Variants in CNTN5 observed in about 807,000 individuals in gnomAD.
CNTN5 encodes the protein contactin 5.
A neutral mutation model predicts 129.1 loss-of-function variants in CNTN5; 77 were observed. The observed-to-expected ratio is 0.60, with a 90% confidence interval of 0.50 to 0.72. The LOEUF (loss-of-function observed/expected upper bound fraction) is 0.72. Ranked by LOEUF, CNTN5 falls within the 30% of genes least tolerant of loss-of-function variation. The pLI is 0.00. For synonymous variants in CNTN5, 509 were observed against 465.6 expected, an observed-to-expected ratio of 1.09 and a Z score of -1.20; for missense variants, 1,478 against 1,328.8, an observed-to-expected ratio of 1.11 and a Z score of -1.75.
At chr11:100,257,382 G>A (rs139103757) in intron 17 of CNTN5, among the ~76,000 whole-genome samples, 2,675 of 152,238 alleles carry the variant, frequency 0.018, 31 homozygotes, top group Middle Eastern at 0.075. Flanking sequence ...AAACGTTCCC[G>A]CCTGCCAGCT....
intron 2 of CNTN5, among the ~76,000 whole-genome samples, chr11:99,544,614 G>C (rs1948230119): frequency 6.6e-6 from 1 of 152,112 alleles, no homozygotes; most frequent in Admixed American, 6.5e-5. Flanking sequence ...GAAACAATGT[G>C]GAGAAATTAT....
intron 1 of CNTN5, among the ~76,000 whole-genome samples, chr11:99,096,948 G>A (rs953749493): frequency 6.6e-6 from 1 of 151,768 alleles, no homozygotes; most frequent in African/African-American, 2.4e-5. Flanking sequence ...TTAATTAGGA[G>A]GAATGTCCTG....
At chr11:99,043,337 A>G (rs554130626) in intron 1 of CNTN5, among the ~76,000 whole-genome samples, 79 of 121,658 alleles carry the variant, frequency 6.5e-4, no homozygotes, top group African/African-American at 2.3e-3. Flanking sequence ...TCCTGTGTCC[A>G]TGTGAGTTAG....
intron 1 of CNTN5, among the ~76,000 whole-genome samples, chr11:99,267,916 ACACG>A (rs1207601748): frequency 3.0e-5 from 3 of 99,886 alleles, no homozygotes; most frequent in South Asian, 4.0e-4. Flanking sequence ...ACACACACAC[ACACG>A]CACACACACA....
intron 2 of CNTN5, among the ~76,000 whole-genome samples, chr11:99,363,723 G>T (rs1014090000): frequency 6.6e-6 from 1 of 152,094 alleles, no homozygotes; most frequent in Non-Finnish European, 1.5e-5. Context: ...CTAAAGATCA[G>T]TAGGGTAGGA....
At chr11:99,909,534 T>A (rs561084430) in intron 6 of CNTN5, among the ~76,000 whole-genome samples, 14 of 152,274 alleles carry the variant, frequency 9.2e-5, no homozygotes, top group African/African-American at 3.4e-4. Flanking sequence ...GAGGCACTAT[T>A]CACAATAGCA....
At chr11:99,512,248 G>T (rs7951690) in intron 2 of CNTN5, among the ~76,000 whole-genome samples, 6 of 152,082 alleles carry the variant, frequency 3.9e-5, no homozygotes, top group Non-Finnish European at 7.4e-5. Context: ...ACATGCGTAA[G>T]GTTACTAACC....
At chr11:99,154,541 T>C (rs1425164659) in intron 1 of CNTN5, among the ~76,000 whole-genome samples, 1 of 152,102 alleles carries the variant, frequency 6.6e-6, no homozygotes, top group African/African-American at 2.4e-5. Flanking sequence ...GACCTGTGCA[T>C]GTGTGCTGAC....
At position 100,308,427 on chromosome 11, in the gene CNTN5, A is replaced by C. The variant is rs749029208; in HGVS notation, c.2689A>C (p.Lys897Gln). 1.9e-6 allele frequency: 3 copies of C among 1,610,866 alleles called. No individual in the cohort carries two copies. In the African/African-American group the frequency reaches 4.0e-5, roughly 22 times the overall value. ...TGTGTCAGAGATTCTTGTTGCATGG[A>C]AACACATTAAAGAGAGTCTAGGAAG... Reference protein sequence around the residue: ...VSVSEILVAWKHIKESLGRPQ... With the variant: ...VSVSEILVAWQHIKESLGRPQ... Residue 897 changes from lysine to glutamine, a missense_variant, in exon 21 of 25, where the codon AAA (lysine) becomes CAA (glutamine). Physicochemically the swap from Lys to Gln is moderately conservative, Grantham distance 53. Transcript: ENST00000524871.
At position 100,084,240 on chromosome 11, in the gene CNTN5, C is replaced by T. The variant is rs1017978768; in HGVS notation, c.1580+9946C>T. 1.3e-5 allele frequency among the ~76,000 whole-genome samples: 2 copies of T among 152,094 alleles called. 1 individual carries two copies. Among genetic ancestry groups the T allele is most frequent in the Non-Finnish European group, 2.9e-5 (2 of 68,008 alleles). On this transcript the variant is annotated intron_variant, in intron 13 of 24. Transcript: ENST00000524871. ...TTTTCTTTTCCAAAAGCCCCCCAGACTACAACTTTCAGCTTAATTTGTCCT... is the reference window on the plus strand; with the variant it reads ...TTTTCTTTTCCAAAAGCCCCCCAGATTACAACTTTCAGCTTAATTTGTCCT...
intron 2 of CNTN5, among the ~76,000 whole-genome samples, chr11:99,457,523 AAAG>A (rs1403814228): frequency 2.0e-5 from 3 of 151,852 alleles, no homozygotes; most frequent in African/African-American, 7.2e-5. Flanking sequence ...ATGTGGATAA[AAAG>A]AAGGATAGAA....
intron 2 of CNTN5, among the ~76,000 whole-genome samples, chr11:99,454,620 C>T (rs1944429804): frequency 6.6e-6 from 1 of 152,128 alleles, no homozygotes; most frequent in Non-Finnish European, 1.5e-5. Context: ...TTCCTGAGGC[C>T]TCCCCAGCCA....
At chr11:99,775,323 T>G (rs965486344) in intron 3 of CNTN5, among the ~76,000 whole-genome samples, 73 of 150,242 alleles carry the variant, frequency 4.9e-4, no homozygotes, top group Middle Eastern at 3.4e-3. Flanking sequence ...TAATGTAAAA[T>G]GATATAAAAC....
At chr11:100,090,190 G>C (rs1168812597) in intron 13 of CNTN5, among the ~76,000 whole-genome samples, 3 of 151,990 alleles carry the variant, frequency 2.0e-5, no homozygotes, top group African/African-American at 7.2e-5. Context: ...GGCATTGAAA[G>C]AACATATCTC....
chr11:100,014,695 T>A (rs1644272784), intron 9 of CNTN5, among the ~76,000 whole-genome samples: 1 of 152,226 alleles, frequency 6.6e-6, no homozygotes, highest in Admixed American at 6.5e-5. Context: ...ATTCACTTTA[T>A]CTGTTTGGTT....
intron 3 of CNTN5, among the ~76,000 whole-genome samples, chr11:99,743,564 T>C (rs1249307487): frequency 6.6e-6 from 1 of 152,150 alleles, no homozygotes; most frequent in East Asian, 1.9e-4. Context: ...GGGCCTGATA[T>C]GTATTAGCTA....
intron 2 of CNTN5, among the ~76,000 whole-genome samples, chr11:99,535,922 A>T (rs1171337449): frequency 1.3e-5 from 2 of 152,136 alleles, no homozygotes; most frequent in Non-Finnish European, 2.9e-5. Context: ...AAAGCGAAAA[A>T]ATCATGTTAA....
chr11:99,096,166 A>G (rs1866460598), intron 1 of CNTN5, among the ~76,000 whole-genome samples: 1 of 151,914 alleles, frequency 6.6e-6, no homozygotes, highest in African/African-American at 2.4e-5. Context: ...TGTGATAAAA[A>G]TATCTTAATA....
At chr11:99,500,502 C>T (rs1946387652) in intron 2 of CNTN5, among the ~76,000 whole-genome samples, 1 of 152,024 alleles carries the variant, frequency 6.6e-6, no homozygotes, top group Non-Finnish European at 1.5e-5. Context: ...AAAAGTTTAT[C>T]AATTTCCTTT....
Sources: gnomAD v4.1 joint callset for allele counts (sites outside exome capture counted in the v4.1 genomes callset) on GRCh38, gnomAD v4.1.1 for gene constraint, MANE v1.5 for transcripts, NCBI Gene and HGNC (gene_info 2026-07-23, HGNC 2026-07-21) for gene names.